The following EVA1C variants were observed in gnomAD, a reference collection of about 807,000 sequenced individuals.
EVA1C encodes eva-1 homolog C.
In EVA1C, 25 loss-of-function variants were observed where a neutral mutation model predicts 45.4. The observed-to-expected ratio is 0.55, with a 90% confidence interval of 0.40 to 0.77. EVA1C has a LOEUF of 0.77. Ranked by LOEUF, EVA1C falls within the 30% of genes least tolerant of loss-of-function variation. EVA1C has a pLI of 0.00. For missense variants in EVA1C, 479 were observed against 554.8 expected, an observed-to-expected ratio of 0.86 and a Z score of 1.37; for synonymous variants, 190 against 221.2, an observed-to-expected ratio of 0.86 and a Z score of 1.25.
At chr21:32,422,903 T>C (rs2034336825) in intron 1 of EVA1C, among the ~76,000 whole-genome samples, 1 of 151,544 alleles carries the variant, frequency 6.6e-6, no homozygotes, top group Non-Finnish European at 1.5e-5. Context: ...AAACCATGTC[T>C]GTACTAAAAA....
intron 4 of EVA1C, among the ~76,000 whole-genome samples, chr21:32,481,706 G>C (rs938652859): frequency 1.3e-5 from 2 of 152,096 alleles, no homozygotes; most frequent in Admixed American, 1.3e-4. Context: ...TTTAAAGAAA[G>C]ATCATTCGAT....
At chr21:32,457,923 T>A (rs1191694545) in intron 3 of EVA1C, among the ~76,000 whole-genome samples, 5 of 152,350 alleles carry the variant, frequency 3.3e-5, no homozygotes, top group Middle Eastern at 3.4e-3. Flanking sequence ...TTTGTGTGTG[T>A]GAGTCTGCAC....
At chr21:32,484,713 C>G (rs2036912078) in intron 4 of EVA1C, among the ~76,000 whole-genome samples, 1 of 152,068 alleles carries the variant, frequency 6.6e-6, no homozygotes, top group African/African-American at 2.4e-5. Flanking sequence ...ATGTGTTGGT[C>G]TGTGATTTCT....
chr21:32,483,123 T>C (rs936273965), intron 4 of EVA1C, among the ~76,000 whole-genome samples: 2 of 152,056 alleles, frequency 1.3e-5, no homozygotes, highest in Non-Finnish European at 2.9e-5. Context: ...CCTCCCAAAA[T>C]GTTGGGATTA....
chr21:32,483,403 T>C (rs1313963233), intron 4 of EVA1C, among the ~76,000 whole-genome samples: 1 of 152,188 alleles, frequency 6.6e-6, no homozygotes, highest in Non-Finnish European at 1.5e-5. Flanking sequence ...AACATTCTCT[T>C]AAAGCTCAAT....
intron 4 of EVA1C, among the ~76,000 whole-genome samples, chr21:32,488,897 T>G (rs1409238292): frequency 6.6e-6 from 1 of 152,256 alleles, no homozygotes; most frequent in Non-Finnish European, 1.5e-5. Flanking sequence ...TTGGCCATTT[T>G]TATGTCTTTC....
chr21:32,440,604 A>T (rs116751623), intron 1 of EVA1C, among the ~76,000 whole-genome samples: 54 of 152,308 alleles, frequency 3.5e-4, no homozygotes, highest in African/African-American at 1.3e-3. Context: ...TGGTTGACAG[A>T]TGTCAACCAA....
At chr21:32,472,764 C>T (rs1049764718) in intron 4 of EVA1C, among the ~76,000 whole-genome samples, 2 of 152,192 alleles carry the variant, frequency 1.3e-5, no homozygotes, top group African/African-American at 4.8e-5. Flanking sequence ...CCTCAGAAAC[C>T]CTGATGTAGA....
chr21:32,488,339 A>G (rs959905095), intron 4 of EVA1C, among the ~76,000 whole-genome samples: 3 of 152,186 alleles, frequency 2.0e-5, no homozygotes, highest in African/African-American at 7.2e-5. Context: ...GCTGGGTCAT[A>G]TAGTAGCTCT....
At chr21:32,501,772 A>G (rs1409572215) in intron 6 of EVA1C, among the ~76,000 whole-genome samples, 3 of 152,210 alleles carry the variant, frequency 2.0e-5, no homozygotes, top group Admixed American at 6.5e-5. Flanking sequence ...TTGAAAAGAC[A>G]TCTGCTCAGA....
intron 3 of EVA1C, among the ~76,000 whole-genome samples, chr21:32,459,838 C>CAAAAAAA (rs35572319): frequency 1.6e-5 from 1 of 63,178 alleles, no homozygotes; most frequent in Non-Finnish European, 3.2e-5. Context: ...GAGACTGTCT[C>CAAAAAAA]AAAAAAAAAA....
chr21:32,431,229 G>A (rs2034690599), intron 1 of EVA1C, among the ~76,000 whole-genome samples: 1 of 152,224 alleles, frequency 6.6e-6, no homozygotes, highest in East Asian at 1.9e-4. Context: ...GAAAACCCAG[G>A]CTTGGCACAG....
At chr21:32,462,973 A>G (rs1212977851) in intron 3 of EVA1C, among the ~76,000 whole-genome samples, 1 of 152,056 alleles carries the variant, frequency 6.6e-6, no homozygotes, top group Non-Finnish European at 1.5e-5. Context: ...TTCCCACTCC[A>G]CACCTCTATA....
Position 32,412,938 on chromosome 21 carries a change from G to A in EVA1C, c.85G>A (p.Gly29Arg). Reference protein sequence around the residue: ...PGLRRQVEPPGQLLRLFYCTV... With the variant: ...PGLRRQVEPPRQLLRLFYCTV... ...CCTCCGCCGGCAGGTAGAGCCGCCG[G>A]GGCAGCTCCTGCGCCTCTTCTACTG... is the stretch of plus-strand genomic sequence containing the variant. Residue 29 changes from glycine (G) to arginine (R), a missense_variant, in exon 1 of 8, where the codon GGG (glycine) becomes AGG (arginine). By Grantham distance (125) the Gly-to-Arg change is moderately radical (BLOSUM62 -2). This residue lies in a region of EVA1C where 80 missense variants were observed against 63.8 expected (regional missense o/e 1.25). Transcript: ENST00000300255. 2 of 1,542,408 alleles carry A rather than the reference G, an allele frequency of 1.3e-6. No homozygotes were observed. The highest frequency in any genetic ancestry group is 8.7e-7 in the Non-Finnish European group (1 of 1,146,742).
chr21:32,439,109 C>T (rs1199031434), intron 1 of EVA1C, among the ~76,000 whole-genome samples: 1 of 150,334 alleles, frequency 6.7e-6, no homozygotes, highest in Non-Finnish European at 1.5e-5. Context: ...GCGTGGTGGC[C>T]CATGCCTGTA....
At chr21:32,488,109 C>T (rs1228845514) in intron 4 of EVA1C, among the ~76,000 whole-genome samples, 1 of 152,158 alleles carries the variant, frequency 6.6e-6, no homozygotes, top group African/African-American at 2.4e-5. Context: ...AAAATATTCT[C>T]AAACCTTATA....
intron 1 of EVA1C, among the ~76,000 whole-genome samples, chr21:32,417,058 A>G (rs1365126507): frequency 6.6e-6 from 1 of 152,202 alleles, no homozygotes; most frequent in Non-Finnish European, 1.5e-5. Flanking sequence ...CCTCAAACTC[A>G]TGGCCTTAAC....
chr21:32,423,882 T>G (rs1165150319), intron 1 of EVA1C, among the ~76,000 whole-genome samples: 1 of 152,178 alleles, frequency 6.6e-6, no homozygotes, highest in Non-Finnish European at 1.5e-5. Context: ...TCTGATTTCA[T>G]GTCTGCCTCT....
intron 1 of EVA1C, among the ~76,000 whole-genome samples, chr21:32,419,532 TG>T (rs2034180036): frequency 6.6e-6 from 1 of 152,086 alleles, no homozygotes; most frequent in Non-Finnish European, 1.5e-5. Context: ...CTGGCCAAAA[TG>T]GTGAAACCCC....
Sources: gnomAD v4.1 joint callset for allele counts (sites outside exome capture counted in the v4.1 genomes callset) on GRCh38, gnomAD v4.1.1 for gene constraint, gnomAD v4.1.1 regional missense constraint, MANE v1.5 for transcripts, NCBI Gene and HGNC (gene_info 2026-07-23, HGNC 2026-07-21) for gene names.